EYA2: variants seen among roughly 807,000 people sequenced by gnomAD.
EYA2 encodes protein phosphatase EYA2.
In EYA2, 31 loss-of-function variants were observed where a neutral mutation model predicts 69.2. That is an observed-to-expected ratio of 0.45 (90% CI 0.34 to 0.60). The LOEUF is 0.60. Among genes scored for constraint, EYA2 ranks in the 20% least tolerant of loss-of-function variants. The pLI, the probability that EYA2 is intolerant of heterozygous loss-of-function variation, is 0.02. For missense variants in EYA2, 622 were observed against 701.2 expected, an observed-to-expected ratio of 0.89 and a Z score of 1.28; for synonymous variants, 257 against 279.4, an observed-to-expected ratio of 0.92 and a Z score of 0.80.
At chr20:47,049,870 C>CA (rs2030239636) in intron 5 of EYA2, among the ~76,000 whole-genome samples, 1 of 151,160 alleles carries the variant, frequency 6.6e-6, no homozygotes, top group Non-Finnish European at 1.5e-5. Flanking sequence ...ACCCCCCCCC[C>CA]ACCGCCACCA....
At chr20:47,136,614 A>C (rs1600734602) in intron 9 of EYA2, among the ~76,000 whole-genome samples, 1 of 152,034 alleles carries the variant, frequency 6.6e-6, no homozygotes, top group East Asian at 1.9e-4. Flanking sequence ...GTGCTAGCAC[A>C]CGTCTCTAGT....
chr20:47,181,419 G>A (rs1226501497), intron 14 of EYA2, among the ~76,000 whole-genome samples: 1 of 152,198 alleles, frequency 6.6e-6, no homozygotes, highest in East Asian at 1.9e-4. Context: ...GTATTTGAAG[G>A]CCAAGCTCAG....
intron 5 of EYA2, chr20:47,071,926 G>A (rs941393781): frequency 2.2e-5 from 11 of 493,538 alleles, no homozygotes; most frequent in East Asian, 1.1e-4. Flanking sequence ...AGCCACGGCC[G>A]CATCAGCAAG....
chr20:46,913,118 C>T (rs1460457744), intron 1 of EYA2, among the ~76,000 whole-genome samples: 2 of 152,218 alleles, frequency 1.3e-5, no homozygotes, highest in East Asian at 3.8e-4. Flanking sequence ...ATACTCCCAC[C>T]ATGGTCACTT....
At chr20:47,140,103 G>A (rs550497726) in intron 9 of EYA2, among the ~76,000 whole-genome samples, 1 of 152,310 alleles carries the variant, frequency 6.6e-6, no homozygotes, top group African/African-American at 2.4e-5. Flanking sequence ...TCCAGTACAT[G>A]GAGGGTTGGT....
intron 1 of EYA2, among the ~76,000 whole-genome samples, chr20:46,967,560 G>T (rs1013606733): frequency 2.0e-5 from 3 of 152,180 alleles, no homozygotes; most frequent in Non-Finnish European, 2.9e-5. Context: ...CTAAAGTGGG[G>T]TGAAGGGGAA....
intron 1 of EYA2, among the ~76,000 whole-genome samples, chr20:46,951,911 G>A (rs1423034309): frequency 6.6e-6 from 1 of 152,142 alleles, no homozygotes; most frequent in Non-Finnish European, 1.5e-5. Context: ...GCCACCTCCT[G>A]ACATTGTCAG....
intron 4 of EYA2, among the ~76,000 whole-genome samples, chr20:47,014,627 A>AATGT (rs1555812535): frequency 1.4e-5 from 1 of 71,732 alleles, no homozygotes; most frequent in Non-Finnish European, 2.8e-5. Flanking sequence ...ATGTGCACAA[A>AATGT]ATGTGTGTGT....
chr20:46,983,871 ATC>A (rs1443303887), intron 1 of EYA2, among the ~76,000 whole-genome samples: 1 of 152,048 alleles, frequency 6.6e-6, no homozygotes, highest in East Asian at 1.9e-4. Context: ...TCTGTTTTTC[ATC>A]TCTCTGGGAT....
In EYA2 at chr20:47,183,321, A is replaced by G; in HGVS notation, c.1466A>G (p.Gln489Arg). 2 of 1,614,170 alleles carry G rather than the reference A, an allele frequency of 1.2e-6. No homozygotes were observed. Among genetic ancestry groups the G allele is most frequent in the South Asian group, 1.1e-5 (1 of 91,084 alleles). The stretch of plus-strand genomic sequence containing the variant: ...GAGAGCTGCTTCGAGAGGATAATGC[A>G]GAGATTCGGCAGAAAAGCTGTCTAC... ...GKESCFERIM[Q>R]RFGRKAVYVV... The change falls in exon 15 of 16, where the codon CAG (glutamine) becomes CGG (arginine). Residue 489 changes from glutamine (Q) to arginine (R), a missense_variant. Transcript: ENST00000327619.
In EYA2 at chr20:46,987,916, G is replaced by GACACTCTCTC. The variant is rs56288405; in HGVS notation, c.-10-2085_-10-2084insACACTCTCTC. On this transcript the variant is annotated intron_variant, in intron 1 of 15. Coordinates refer to ENST00000327619, the MANE Select transcript of EYA2 (RefSeq NM_005244.5). ...TACTCCAGCCTGGAAGACAGAGTAA[G>GACACTCTCTC]TCTCTCTCTCTCTCTCTCTCTCTCT... 6.4e-4 allele frequency among the ~76,000 whole-genome samples: 13 copies of GACACTCTCTC among 20,374 alleles called. 1 individual carries two copies. The East Asian group carries it at 0.015, about 24-fold the overall frequency. The allele number at this position is 20,374 out of a possible 152,430, so 13.4% of individuals were successfully genotyped here. A position where few individuals can be genotyped will look rare whatever the true frequency, so the allele number is the denominator to read the frequency against.
At chr20:47,059,726 ACT>A (rs1236858484) in intron 5 of EYA2, among the ~76,000 whole-genome samples, 1 of 151,168 alleles carries the variant, frequency 6.6e-6, no homozygotes, top group Non-Finnish European at 1.5e-5. Flanking sequence ...CTTTCCCCAA[ACT>A]CTCCAGAATT....
At chr20:46,948,437 G>T (rs564578946) in intron 1 of EYA2, among the ~76,000 whole-genome samples, 9 of 152,282 alleles carry the variant, frequency 5.9e-5, no homozygotes, top group African/African-American at 2.2e-4. Flanking sequence ...ACTGGTCACA[G>T]CTCACTAAAC....
At position 47,057,885 on chromosome 20, in the gene EYA2, C is replaced by G. The variant is rs961529059; in HGVS notation, c.416-14300C>G. Reference sequence around the variant, plus strand: ...GCCTGCTGGCTGGGAGTCAGGCTGACCTGGGCTTGAACCCTGCTCCACCCC... The same window carrying G: ...GCCTGCTGGCTGGGAGTCAGGCTGAGCTGGGCTTGAACCCTGCTCCACCCC... On this transcript the variant is annotated intron_variant, in intron 5 of 15. Coordinates refer to ENST00000327619, the MANE Select transcript of EYA2 (RefSeq NM_005244.5). Among the ~76,000 whole-genome samples, 3 of 152,206 alleles carry G rather than the reference C, an allele frequency of 2.0e-5. No homozygotes were observed. The East Asian group carries it at 5.8e-4, about 29-fold the overall frequency.
At chr20:46,996,408 C>T (rs1302576399) in intron 2 of EYA2, among the ~76,000 whole-genome samples, 1 of 152,224 alleles carries the variant, frequency 6.6e-6, no homozygotes, top group East Asian at 1.9e-4. Context: ...TAAACTCTTA[C>T]TCCTCAAAGT....
At chr20:46,908,689 G>A (rs1984483322) in intron 1 of EYA2, among the ~76,000 whole-genome samples, 1 of 152,048 alleles carries the variant, frequency 6.6e-6, no homozygotes, top group Non-Finnish European at 1.5e-5. Context: ...TCTCCGTGTT[G>A]CTAGGTGTTC....
chr20:47,001,891 C>A (rs1982403457), intron 3 of EYA2, among the ~76,000 whole-genome samples: 1 of 149,738 alleles, frequency 6.7e-6, no homozygotes, highest in Non-Finnish European at 1.5e-5. Context: ...TTTCTTTCTC[C>A]TTTCCTCATT....
At chr20:46,895,956 A>G (rs998082738) in intron 1 of EYA2, among the ~76,000 whole-genome samples, 3 of 152,186 alleles carry the variant, frequency 2.0e-5, no homozygotes, top group Non-Finnish European at 4.4e-5. Context: ...AATTCTTTTT[A>G]AAAAGCAAGA....
intron 1 of EYA2, among the ~76,000 whole-genome samples, chr20:46,936,385 C>T (rs183334900): frequency 1.3e-5 from 2 of 152,268 alleles, no homozygotes; most frequent in East Asian, 1.9e-4. Context: ...GCAGGAAAAT[C>T]GCTTGAACCC....
Sources: allele counts gnomAD v4.1 joint callset (sites outside exome capture counted in the v4.1 genomes callset), GRCh38; gene constraint gnomAD v4.1.1; transcripts MANE v1.5; gene names NCBI Gene and HGNC (gene_info 2026-07-23, HGNC 2026-07-21).